Variants in HERC2 observed in about 807,000 individuals in gnomAD.
The protein encoded by HERC2 is HECT and RLD domain containing E3 ubiquitin protein ligase 2, also known as E3 ubiquitin-protein ligase HERC2.
Under a neutral mutation model 537.7 loss-of-function variants are expected in HERC2, and 102 were observed. The observed-to-expected ratio is 0.19, with a 90% CI of 0.16 to 0.22. The LOEUF (loss-of-function observed/expected upper bound fraction) is 0.22. Ranked by LOEUF, HERC2 falls within the 10% of genes least tolerant of loss-of-function variation. HERC2 has a pLI of 1.00. For synonymous variants in HERC2, 2,224 were observed against 2,466.2 expected (o/e 0.90, Z 2.91); for missense variants, 4,236 against 6,198.2 (o/e 0.68, Z 10.63).
intron 35 of HERC2, among the ~76,000 whole-genome samples, chr15:28,226,428 A>G (rs1197584125): frequency 2.0e-5 from 3 of 151,928 alleles, no homozygotes; most frequent in Admixed American, 2.0e-4. Context: ...AGAATGTGAT[A>G]ATGTAATTGA....
rs539664889 is a variant in HERC2, at chr15:28,116,225, T to TC, written c.13609+439_13609+440insG. ...ATATTAAAAGTCTTTTCTTTTTCTT[T>TC]TTTTTTTTTTTTTTGATACAGAGTG... On this transcript the variant is annotated intron_variant, in intron 88 of 92. Transcript: ENST00000261609. Among the ~76,000 whole-genome samples, 64 of 145,706 alleles carry TC rather than the reference T, an allele frequency of 4.4e-4. 1 individual carries two copies. The highest frequency in any genetic ancestry group is 1.5e-3 in the African/African-American group (62 of 40,716).
At chr15:28,321,921 G>A (rs1167470764) in intron 1 of HERC2, among the ~76,000 whole-genome samples, 154 bp downstream of exon 1, 1 of 140,802 alleles carries the variant, frequency 7.1e-6, no homozygotes, top group Non-Finnish European at 1.5e-5. Context: ...CACCACTTAA[G>A]AGATGGAGAG....
In HERC2 at chr15:28,218,485, A is replaced by G. The variant is rs751226628; in HGVS notation, c.6028+4T>C. On this transcript the variant is annotated splice_donor_region_variant and intron_variant, in intron 38 of 92. Coordinates refer to ENST00000261609, the MANE Select transcript of HERC2 (RefSeq NM_004667.6). ...CCCTGGGCCCTCGATCTCTCATTCC[A>G]TACATGTCTTGTCCGTCGTTCCGCT... The G allele has an allele frequency of 6.3e-7, 1 of 1,592,450 alleles. No individual in the cohort carries two copies. The highest frequency in any genetic ancestry group is 8.5e-7 in the Non-Finnish European group (1 of 1,177,882).
At chr15:28,315,094 C>T (rs1041819967) in intron 2 of HERC2, among the ~76,000 whole-genome samples, 3 of 152,180 alleles carry the variant, frequency 2.0e-5, no homozygotes, top group Non-Finnish European at 4.4e-5. Flanking sequence ...CAAATACAAC[C>T]AATTGTTCAG....
At position 28,111,636 on chromosome 15, in the gene HERC2, C is replaced by G. The variant is rs1887654437; in HGVS notation, c.*127G>C. On this transcript the variant is annotated 3_prime_UTR_variant, in exon 93 of 93. Coordinates refer to ENST00000261609, the MANE Select transcript of HERC2 (RefSeq NM_004667.6). ...ATCACGGCCAGTCAGTCTCTCCACT[C>G]CCTCCTCCCGCCTGGCTCGAGGACG... The G allele has an allele frequency of 1.0e-6, 1 of 981,832 alleles. No individual in the cohort carries two copies. The highest frequency in any genetic ancestry group is 2.4e-5 in the Admixed American group (1 of 41,940). The allele number at this position is 981,832 out of a possible 1,614,324, so 60.8% of individuals were successfully genotyped here.
intron 20 of HERC2, among the ~76,000 whole-genome samples, chr15:28,250,111 A>G (rs1904155186): frequency 7.3e-6 from 1 of 137,404 alleles, no homozygotes; most frequent in South Asian, 2.3e-4. Context: ...ACCAAGAGTG[A>G]GGACATGCTT....
chr15:28,149,282 GA>G (rs1173068045), intron 70 of HERC2, among the ~76,000 whole-genome samples: 93 of 142,744 alleles, frequency 6.5e-4, no homozygotes, highest in Non-Finnish European at 1.1e-3. Context: ...TAAAATTACC[GA>G]AAAAACACAC....
chr15:28,144,740 G>A lies in HERC2; in HGVS notation c.11073C>T (p.Phe3691=). The change falls in exon 72 of 93, where the codon TTC becomes TTT. Residue 3691 remains phenylalanine, a synonymous_variant. Coordinates refer to ENST00000261609, the MANE Select transcript of HERC2 (RefSeq NM_004667.6). Reference sequence around the variant, plus strand: ...AGCCATTCACAGACCCATCGCTGATGAACTTCCACTTTAACTCATCCCCTG... The same window carrying A: ...AGCCATTCACAGACCCATCGCTGATAAACTTCCACTTTAACTCATCCCCTG... The part of the protein sequence containing the change: ...RIPGDELKWK[F]ISDGSVNGWG... 1 of 1,614,226 alleles carries A rather than the reference G, an allele frequency of 6.2e-7. No individual in the cohort carries two copies. The highest frequency in any genetic ancestry group is 1.3e-5 in the African/African-American group (1 of 75,054).
intron 65 of HERC2, among the ~76,000 whole-genome samples, chr15:28,173,956 ATG>A (rs1438091778): frequency 1.3e-5 from 2 of 152,050 alleles, no homozygotes; most frequent in Admixed American, 1.3e-4. Context: ...GGGGTAGTGT[ATG>A]AGTTCATTAT....
chr15:28,256,632 T>G (rs767319049), intron 17 of HERC2, among the ~76,000 whole-genome samples: 51 of 152,032 alleles, frequency 3.4e-4, no homozygotes, highest in Non-Finnish European at 7.4e-5. Context: ...CAGCTACAAC[T>G]CAACCAAAAA....
chr15:28,245,546 CAA>C (rs552182472), intron 23 of HERC2, among the ~76,000 whole-genome samples: 11,407 of 106,810 alleles, frequency 0.11, 1,348 homozygotes, highest in African/African-American at 0.31. Context: ...GATGTAGTGT[CAA>C]AAAAAAAAAA....
At chr15:28,153,566 G>A (rs1892674905) in intron 69 of HERC2, among the ~76,000 whole-genome samples, 2 of 151,874 alleles carry the variant, frequency 1.3e-5, no homozygotes, top group African/African-American at 2.4e-5. Flanking sequence ...CAGGAGAATC[G>A]CTTAAACTCA....
intron 20 of HERC2, among the ~76,000 whole-genome samples, chr15:28,253,132 A>C (rs1406079607): frequency 6.6e-6 from 1 of 152,110 alleles, no homozygotes; most frequent in Non-Finnish European, 1.5e-5. Flanking sequence ...CTCTTTCACA[A>C]ATCACCTTGC....
intron 4 of HERC2, among the ~76,000 whole-genome samples, chr15:28,286,882 G>A (rs2076170953): frequency 2.0e-5 from 3 of 152,098 alleles, no homozygotes; most frequent in African/African-American, 4.8e-5. Flanking sequence ...GGGCCTACAC[G>A]CTGCAATGTT....
chr15:28,132,057 G>T, intron 81 of HERC2, 43 bp downstream of exon 81: 2 of 1,503,808 alleles, frequency 1.3e-6, no homozygotes, highest in African/African-American at 1.4e-5. Context: ...GCCCGACTGC[G>T]GTGAGCTGGG....
In HERC2 at chr15:28,141,445, G is replaced by A. The variant is rs372578918; in HGVS notation, c.12002C>T (p.Thr4001Met). The change falls in exon 78 of 93, where the codon ACG becomes ATG. Residue 4001 changes from threonine (T) to methionine (M), a missense_variant. Transcript: ENST00000261609. ...IGGEQTLFAV[T>M]ADGKLYATGY... The stretch of plus-strand genomic sequence containing the variant: ...AAGAGCTCTTACCTTCCCATCAGCC[G>A]TCACAGCAAAGAGGGTCTGTTCCCC... 75 of 1,614,022 alleles carry A rather than the reference G, an allele frequency of 4.6e-5. No homozygotes were observed. The highest frequency in any genetic ancestry group is 8.9e-5 in the East Asian group (4 of 44,878).
chr15:28,205,287 G>GCAGGGAGCACGTGCACCGCCCCACGTC (rs1339675366), intron 45 of HERC2, among the ~76,000 whole-genome samples: 1 of 29,268 alleles, frequency 3.4e-5, no homozygotes, highest in African/African-American at 1.3e-4. Context: ...CAGCATGACT[G>GCAGGGAGCACGTGCACCGCCCCACGTC]CTCTCAAGTT....
Position 28,177,164 on chromosome 15 carries a change from T to C in HERC2, c.9255-37A>G. The C allele has an allele frequency of 6.3e-7, 1 of 1,582,580 alleles. No individual in the cohort carries two copies. The highest frequency in any genetic ancestry group is 8.6e-7 in the Non-Finnish European group (1 of 1,160,570). ...TGAAATCAGCTCTCTACAGTCAATC[T>C]GTCCCTTCTTAGAGATGAAGGAAAA... On this transcript the variant is annotated intron_variant, in intron 60 of 92. Transcript: ENST00000261609. This position sits in a 1 kb window ranked among gnomAD's most constrained non-coding sequence, Gnocchi z 5.0.
In HERC2 at chr15:28,229,638, AC is replaced by A. The variant is rs758195132; in HGVS notation, c.4983+35del. ...CATACAGTTAAGTGTTATGTATATTACCCAATGCAGAGAAGCATTTCTCATC... is the reference window on the plus strand; with the variant it reads ...CATACAGTTAAGTGTTATGTATATTACCAATGCAGAGAAGCATTTCTCATC... On this transcript the variant is annotated intron_variant, in intron 32 of 92. Transcript: ENST00000261609. 20 of 1,604,488 alleles carry A rather than the reference AC, an allele frequency of 1.2e-5. No individual in the cohort carries two copies. In the African/African-American group the frequency reaches 2.5e-4, roughly 20 times the overall value.
Sources: allele counts gnomAD v4.1 joint callset (sites outside exome capture counted in the v4.1 genomes callset), GRCh38; gene constraint gnomAD v4.1.1; non-coding constraint Gnocchi (gnomAD v3.1); transcripts MANE v1.5; gene names NCBI Gene and HGNC (gene_info 2026-07-23, HGNC 2026-07-21).